The following ZNF318 variants were observed in gnomAD, a reference collection of about 807,000 sequenced individuals.
ZNF318 encodes endocrine regulator.
ZNF318 carries 51 observed loss-of-function variants against 124.2 expected under a neutral mutation model. The ratio of observed to expected loss-of-function variants is 0.41; its 90% CI spans 0.33 to 0.52. The LOEUF (loss-of-function observed/expected upper bound fraction) is 0.52, where lower values mean the gene tolerates loss of function less well. ZNF318 is among the 20% of genes least tolerant of loss of function. The pLI is 0.23. For synonymous variants in ZNF318, 1,090 were observed against 1,040.7 expected (o/e 1.05, Z -0.91); for missense variants, 2,815 against 2,811.2 (o/e 1.00, Z -0.03).
chr6:43,340,453 C>A lies in ZNF318; in HGVS notation c.3545G>T (p.Arg1182Leu), dbSNP rs182624602. 8.7e-6 allele frequency: 14 copies of A among 1,612,998 alleles called. No homozygotes were observed. Among genetic ancestry groups the A allele is most frequent in the Non-Finnish European group, 1.0e-5 (12 of 1,179,792 alleles). ...TAGGACCACAGCCAAGCCAGCTTGGCGGTCCAGATTCCGCCGCTCCTCATA... is the reference window on the plus strand; with the variant it reads ...TAGGACCACAGCCAAGCCAGCTTGGAGGTCCAGATTCCGCCGCTCCTCATA... ...PLYEERRNLD[R>L]QAGLAVVLET... Residue 1182 changes from arginine to leucine, a missense_variant, in exon 10 of 10, where the codon CGC becomes CTC. This residue lies in a region of ZNF318 where 500 missense variants were observed against 605.2 expected (regional missense o/e 0.83). Transcript: ENST00000361428.
intron 2 of ZNF318, among the ~76,000 whole-genome samples, chr6:43,363,197 T>C (rs986034344): frequency 2.0e-5 from 3 of 152,174 alleles, no homozygotes; most frequent in African/African-American, 7.2e-5. Flanking sequence ...AGTGACATCC[T>C]AGGCCTAAGA....
Position 43,342,096 on chromosome 6 carries a change from CA to C in ZNF318, c.3376+15del, listed in dbSNP as rs1280363722. On this transcript the variant is annotated intron_variant, in intron 8 of 9. Coordinates refer to ENST00000361428, the MANE Select transcript of ZNF318 (RefSeq NM_014345.3). ...GAATGTAAGGAAACCACAAAGGTGG[CA>C]AAAAGGAAACATACCTTTTGCAGGA... The C allele has an allele frequency of 1.9e-6, 3 of 1,612,058 alleles. No individual in the cohort carries two copies. The highest frequency in any genetic ancestry group is 2.5e-6 in the Non-Finnish European group (3 of 1,178,296).
intron 2 of ZNF318, among the ~76,000 whole-genome samples, chr6:43,359,480 T>G (rs1481743911): frequency 6.6e-6 from 1 of 152,200 alleles, no homozygotes; most frequent in Admixed American, 6.5e-5. Flanking sequence ...GTATGAAAAC[T>G]TCTAAGTACT....
Position 43,339,600 on chromosome 6 carries a change from A to G in ZNF318, c.4398T>C (p.Ala1466=). The change falls in exon 10 of 10, where the codon GCT becomes GCC. Residue 1466 remains alanine (A), a synonymous_variant. Coordinates refer to ENST00000361428, the MANE Select transcript of ZNF318 (RefSeq NM_014345.3). The surrounding 1 kb of genome is among the most constrained non-coding windows in gnomAD (Gnocchi z 4.2). ...PVIPHPAAPS[A]AQANAILAPV... The stretch of plus-strand genomic sequence containing the variant: ...GAGCCAAGATAGCATTTGCTTGAGC[A>G]GCAGACGGGGCAGCTGGATGAGGTA... 1 of 1,447,870 alleles carries G rather than the reference A, an allele frequency of 6.9e-7. No individual in the cohort carries two copies. Among genetic ancestry groups the G allele is most frequent in the South Asian group, 1.1e-5 (1 of 88,804 alleles). The allele number at this position is 1,447,870 out of a possible 1,614,324, so 89.7% of individuals were successfully genotyped here. A position where few individuals can be genotyped will look rare whatever the true frequency, so the allele number is the denominator to read the frequency against.
chr6:43,359,012 G>T (rs1779647692), intron 2 of ZNF318, among the ~76,000 whole-genome samples: 1 of 152,036 alleles, frequency 6.6e-6, no homozygotes, highest in Admixed American at 6.5e-5. Flanking sequence ...GTATATTAAG[G>T]TTCTAATAAT....
At position 43,355,790 on chromosome 6, in the gene ZNF318, G is replaced by A; in HGVS notation, c.1544C>T (p.Ala515Val). The A allele has an allele frequency of 6.2e-7, 1 of 1,614,222 alleles. No individual in the cohort carries two copies. Among genetic ancestry groups the A allele is most frequent in the Non-Finnish European group, 8.5e-7 (1 of 1,180,038 alleles). ...TTTTTCCTGTGTACTGGTAGAATCA[G>A]CCAACATGCTCAGAATGCGGGAAAA... is the stretch of plus-strand genomic sequence containing the variant. ...SGFSRILSML[A>V]DSTSTQEKRR... The change falls in exon 4 of 10, where the codon GCT becomes GTT. Residue 515 changes from alanine (A) to valine (V), a missense_variant. Physicochemically the swap from Ala to Val is moderately conservative, Grantham distance 64. Around this residue, in one of 4 missense-constraint regions of ZNF318, gnomAD observed 1,377 missense variants for 1,353.5 expected, o/e 1.02. Coordinates refer to ENST00000361428, the MANE Select transcript of ZNF318 (RefSeq NM_014345.3).
At position 43,356,190 on chromosome 6, in the gene ZNF318, G is replaced by C. The variant is rs553258073; in HGVS notation, c.1189-45C>G. On this transcript the variant is annotated intron_variant, in intron 3 of 9. Coordinates refer to ENST00000361428, the MANE Select transcript of ZNF318 (RefSeq NM_014345.3). ...TGATTTAGTCTTATGCAGAATCTCA[G>C]AACATTAGTAATTGAGATAAATACT... 9 of 1,551,610 alleles carry C rather than the reference G, an allele frequency of 5.8e-6. No homozygotes were observed. The South Asian group carries it at 1.1e-4, about 19-fold the overall frequency.
chr6:43,362,802 C>A (rs933418586), intron 2 of ZNF318, among the ~76,000 whole-genome samples: 2 of 152,050 alleles, frequency 1.3e-5, no homozygotes, highest in African/African-American at 4.8e-5. Flanking sequence ...CTGCGCCAGG[C>A]CCAAACATCT....
At chr6:43,367,681 G>A (rs985806100) in intron 1 of ZNF318, among the ~76,000 whole-genome samples, 2 of 152,224 alleles carry the variant, frequency 1.3e-5, no homozygotes, top group Non-Finnish European at 2.9e-5. Context: ...CACTGGAGAA[G>A]AAAAGGAGGT....
Position 43,337,178 on chromosome 6 carries a change from C to A in ZNF318, c.6820G>T (p.Glu2274Ter). ...TATTCTTAGTTGTGAACACTGGATTCTGTGTGGTCCTGGATGGCACCAACT... is the reference window on the plus strand; with the variant it reads ...TATTCTTAGTTGTGAACACTGGATTATGTGTGGTCCTGGATGGCACCAACT... ...TTVGAIQDHT[E>*]SSVHN Residue 2274 changes from glutamate to a stop codon, truncating the protein, a stop_gained, in exon 10 of 10, where the codon GAA becomes TAA. Transcript: ENST00000361428. LOFTEE classifies it high-confidence loss of function. The A allele has an allele frequency of 2.5e-6, 4 of 1,598,702 alleles. No individual in the cohort carries two copies. Among genetic ancestry groups the A allele is most frequent in the Non-Finnish European group, 3.4e-6 (4 of 1,171,852 alleles).
At chr6:43,363,409 G>C in intron 2 of ZNF318, 2 of 167,538 alleles carry the variant, frequency 1.2e-5, no homozygotes, top group Non-Finnish European at 2.5e-5. Flanking sequence ...AGACTATTTT[G>C]CCTTGCTTCT....
intron 2 of ZNF318, among the ~76,000 whole-genome samples, chr6:43,358,869 T>C (rs1779646065): frequency 6.6e-6 from 1 of 151,784 alleles, no homozygotes; most frequent in South Asian, 2.1e-4. Context: ...ATAAATGGTT[T>C]TAAAGCTGTG....
chr6:43,338,144 T>G lies in ZNF318; in HGVS notation c.5854A>C (p.Lys1952Gln). 1.2e-6 allele frequency: 2 copies of G among 1,613,908 alleles called. No homozygotes were observed. Among genetic ancestry groups the G allele is most frequent in the Non-Finnish European group, 1.7e-6 (2 of 1,179,974 alleles). ...TCCCAAACAGCCAACTCATAGATCT[T>G]TTTAACTTGAAAGTCTTTTGATCTT... ...RERSKDFQVK[K>Q]IYELAVWDEN... Residue 1952 changes from lysine (K) to glutamine (Q), a missense_variant, in exon 10 of 10, where the codon AAG becomes CAG. This residue lies in a region of ZNF318 where 927 missense variants were observed against 820.6 expected (regional missense o/e 1.13). Transcript: ENST00000361428.
intron 2 of ZNF318, among the ~76,000 whole-genome samples, chr6:43,359,752 G>A (rs1194899980): frequency 6.6e-6 from 1 of 152,078 alleles, no homozygotes; most frequent in Non-Finnish European, 1.5e-5. Context: ...ATTTATGAAA[G>A]GTTATCAAGG....
At chr6:43,364,330 T>TTAA in intron 2 of ZNF318, 1 of 126,356 alleles carries the variant, frequency 7.9e-6, no homozygotes, top group Non-Finnish European at 1.5e-5. Context: ...GAATTAAGCC[T>TTAA]GAAAAAAAAA....
At position 43,348,523 on chromosome 6, in the gene ZNF318, T is replaced by G. The variant is rs1779480166; in HGVS notation, c.2873A>C (p.Glu958Ala). The change falls in exon 6 of 10, where the codon GAG becomes GCG. Residue 958 changes from glutamate (E) to alanine (A), a missense_variant. This residue lies in a region of ZNF318 where 1,377 missense variants were observed against 1,353.5 expected (regional missense o/e 1.02). Coordinates refer to ENST00000361428, the MANE Select transcript of ZNF318 (RefSeq NM_014345.3). The part of the protein sequence containing the change: ...LQDNIMKDIA[E>A]LRQEAEEAEK... Reference sequence around the variant, plus strand: ...TGCCTCTTCTGCCTCTTGCCGTAGCTCTGCAATGTCCTTCATAATGTTATC... The same window carrying G: ...TGCCTCTTCTGCCTCTTGCCGTAGCGCTGCAATGTCCTTCATAATGTTATC... 6.2e-7 allele frequency: 1 copy of G among 1,614,192 alleles called. No homozygotes were observed. Among genetic ancestry groups the G allele is most frequent in the East Asian group, 2.2e-5 (1 of 44,886 alleles).
At chr6:43,367,165 T>C (rs1216248227) in intron 1 of ZNF318, among the ~76,000 whole-genome samples, 2 of 152,208 alleles carry the variant, frequency 1.3e-5, no homozygotes, top group East Asian at 3.9e-4. Context: ...TTAGTACTTC[T>C]TAGTCCTTCT....
rs567393741 is a variant in ZNF318 at position 43,336,308 on chromosome 6, A to G, written c.*850T>C. Reference sequence around the variant, plus strand: ...GAGATCTTCTACCCCTTCACAACACAAATGGCTGCTAAACAATTTAATACA... The same window carrying G: ...GAGATCTTCTACCCCTTCACAACACGAATGGCTGCTAAACAATTTAATACA... On this transcript the variant is annotated 3_prime_UTR_variant, in exon 10 of 10. Coordinates refer to ENST00000361428, the MANE Select transcript of ZNF318 (RefSeq NM_014345.3). 1 of 152,766 alleles carries G rather than the reference A, an allele frequency of 6.5e-6. No homozygotes were observed. The highest frequency in any genetic ancestry group is 2.1e-4 in the South Asian group (1 of 4,828). 9.5% of individuals were successfully genotyped at this position (152,766 alleles called of 1,614,324 possible). A position where few individuals can be genotyped will look rare whatever the true frequency, so the allele number is the denominator to read the frequency against.
At position 43,338,959 on chromosome 6, in the gene ZNF318, A is replaced by C. The variant is rs376236786; in HGVS notation, c.5039T>G (p.Leu1680Trp). The C allele has an allele frequency of 6.2e-7, 1 of 1,614,080 alleles. No individual in the cohort carries two copies. The highest frequency in any genetic ancestry group is 8.5e-7 in the Non-Finnish European group (1 of 1,180,044). ...TGTTTCATAAGGCCTGCTTTGGCAC[A>C]ACCTTGTCAGAGGCTGTAGGAAGCC... ...TYGFLQPLTR[L>W]CQSRPYETIT... The change falls in exon 10 of 10, where the codon TTG becomes TGG. Residue 1680 changes from leucine (L) to tryptophan (W), a missense_variant. Around this residue, in one of 4 missense-constraint regions of ZNF318, gnomAD observed 927 missense variants for 820.6 expected, o/e 1.13. Transcript: ENST00000361428.
Sources: gnomAD v4.1 joint callset for allele counts (sites outside exome capture counted in the v4.1 genomes callset) on GRCh38, gnomAD v4.1.1 for gene constraint, gnomAD v4.1.1 regional missense constraint, Gnocchi (gnomAD v3.1) non-coding constraint, MANE v1.5 for transcripts, NCBI Gene and HGNC (gene_info 2026-07-23, HGNC 2026-07-21) for gene names.